The following TRPM7 variants were observed in gnomAD, a reference collection of about 807,000 sequenced individuals.
TRPM7 encodes transient receptor potential cation channel subfamily M member 7.
TRPM7 carries 134 observed loss-of-function variants against 229.7 expected under a neutral mutation model. The ratio of observed to expected loss-of-function variants is 0.58; its 90% CI spans 0.51 to 0.67. TRPM7 has a LOEUF of 0.67. TRPM7 is among the 30% of genes least tolerant of loss of function. The pLI is 0.00. For missense variants in TRPM7, 1,901 were observed against 2,210.0 expected, an observed-to-expected ratio of 0.86 and a Z score of 2.80; for synonymous variants, 699 against 715.2, an observed-to-expected ratio of 0.98 and a Z score of 0.36.
chr15:50,597,187 T>A (rs975104311), intron 22 of TRPM7, among the ~76,000 whole-genome samples: 1 of 152,152 alleles, frequency 6.6e-6, no homozygotes, highest in South Asian at 2.1e-4. Flanking sequence ...TTGTTTTTCA[T>A]TACCCCTAAC....
intron 21 of TRPM7, among the ~76,000 whole-genome samples, chr15:50,601,317 A>T (rs2140414939): frequency 6.6e-6 from 1 of 152,316 alleles, no homozygotes; most frequent in South Asian, 2.1e-4. Context: ...AAAATATGTG[A>T]GTATCAGCTT....
intron 12 of TRPM7, among the ~76,000 whole-genome samples, chr15:50,622,801 G>C (rs2060449082): frequency 1.3e-5 from 2 of 151,988 alleles, no homozygotes; most frequent in Admixed American, 1.3e-4. Context: ...CAGGAAAATT[G>C]CTTGAACCCG....
intron 1 of TRPM7, among the ~76,000 whole-genome samples, chr15:50,684,811 A>G (rs2062321736): frequency 6.6e-6 from 1 of 152,240 alleles, no homozygotes; most frequent in African/African-American, 2.4e-5. Flanking sequence ...GAGAGAAGGT[A>G]CTAGAGACTG....
intron 26 of TRPM7, 66 bp from the exon 27 acceptor site, chr15:50,589,722 G>C (rs535111376): frequency 2.9e-6 from 3 of 1,051,156 alleles, no homozygotes; most frequent in Non-Finnish European, 4.3e-6. Flanking sequence ...TAATGGCACT[G>C]CTTAAAGTTT....
intron 13 of TRPM7, among the ~76,000 whole-genome samples, chr15:50,614,664 CAAAAAAAAAAAAA>C (rs59336476): frequency 1.9e-4 from 18 of 92,650 alleles, no homozygotes; most frequent in South Asian, 3.5e-4. Context: ...GACTTGGTCT[CAAAAAAAAAAAAA>C]AAAAAAAAAA....
chr15:50,670,289 G>C (rs571557470), intron 1 of TRPM7, among the ~76,000 whole-genome samples: 1 of 152,258 alleles, frequency 6.6e-6, no homozygotes, highest in South Asian at 2.1e-4. Flanking sequence ...ATCTTGAATA[G>C]GGGCTGAGTA....
At chr15:50,575,185 A>G in intron 33 of TRPM7, 50 bp from the exon 34 acceptor site, 1 of 1,481,246 alleles carries the variant, frequency 6.8e-7, no homozygotes, top group Non-Finnish European at 9.1e-7. Context: ...CTTTTTAAAA[A>G]CGACAAAGTA....
chr15:50,575,429 T>C (rs2054084473), intron 33 of TRPM7, among the ~76,000 whole-genome samples: 1 of 152,240 alleles, frequency 6.6e-6, no homozygotes, highest in Admixed American at 6.5e-5. Context: ...AAGTTAGAGC[T>C]GTTTCATGGA....
intron 29 of TRPM7, among the ~76,000 whole-genome samples, chr15:50,582,665 T>C (rs1234885469): frequency 6.6e-6 from 1 of 152,210 alleles, no homozygotes. Flanking sequence ...AACAGATATA[T>C]TTTGAATGTA....
intron 11 of TRPM7, among the ~76,000 whole-genome samples, chr15:50,624,616 T>C (rs907656586): frequency 1.3e-5 from 2 of 152,206 alleles, no homozygotes. Context: ...AGCAATGCTC[T>C]CAGTGTTTAG....
Position 50,643,374 on chromosome 15 carries a change from A to G in TRPM7, c.501T>C (p.Thr167=), listed in dbSNP as rs755596714. The change falls in exon 5 of 39, where the codon ACT becomes ACC. Residue 167 remains threonine (T), a synonymous_variant. Coordinates refer to ENST00000646667, the MANE Select transcript of TRPM7 (RefSeq NM_017672.6). The part of the protein sequence containing the change: ...GKGLIKAAVT[T]GAWILTGGVN... ...CTCCTCCAGTTAAAATCCAGGCTCCAGTTGTAACTGCAGCTTTAATAAGAC... is the reference window on the plus strand; with the variant it reads ...CTCCTCCAGTTAAAATCCAGGCTCCGGTTGTAACTGCAGCTTTAATAAGAC... 5 of 1,614,152 alleles carry G rather than the reference A, an allele frequency of 3.1e-6. No homozygotes were observed. The highest frequency in any genetic ancestry group is 1.6e-4 in the Middle Eastern group (1 of 6,062).
At chr15:50,613,564 T>G in intron 15 of TRPM7, 143 bp downstream of exon 15, 2 of 554,284 alleles carry the variant, frequency 3.6e-6, no homozygotes, top group Non-Finnish European at 5.6e-6. Context: ...TCTCTGTGTG[T>G]GAGAAAATGA....
At chr15:50,603,246 T>C (rs2059826936) in intron 21 of TRPM7, among the ~76,000 whole-genome samples, 1 of 152,172 alleles carries the variant, frequency 6.6e-6, no homozygotes, top group South Asian at 2.1e-4. Flanking sequence ...AAATCTTGTT[T>C]TCAAGATGCG....
chr15:50,578,700 C>T (rs755158678), intron 30 of TRPM7, 36 bp from the exon 31 acceptor site: 52 of 1,495,972 alleles, frequency 3.5e-5, no homozygotes, highest in Non-Finnish European at 4.5e-5. Context: ...ATAAGCTGTG[C>T]TATGATTTAA....
chr15:50,671,609 G>C (rs964992526), intron 1 of TRPM7, among the ~76,000 whole-genome samples: 1 of 151,584 alleles, frequency 6.6e-6, no homozygotes, highest in Non-Finnish European at 1.5e-5. Flanking sequence ...AGGAGTTCAA[G>C]ACCAACCTGG....
chr15:50,562,418 T>C (rs180743498), intron 38 of TRPM7, among the ~76,000 whole-genome samples: 8 of 152,192 alleles, frequency 5.3e-5, no homozygotes, highest in Admixed American at 1.3e-4. Context: ...TGAGCTTATA[T>C]TCTAGTGGGT....
chr15:50,599,484 G>A (rs2059719172), intron 21 of TRPM7, 188 bp from the exon 22 acceptor site: 3 of 431,858 alleles, frequency 6.9e-6, no homozygotes, highest in African/African-American at 6.1e-5. Context: ...ACATCTAGGA[G>A]ATTACGTAAA....
chr15:50,590,523 C>T (rs546745964), intron 26 of TRPM7, among the ~76,000 whole-genome samples: 2 of 152,134 alleles, frequency 1.3e-5, no homozygotes, highest in Non-Finnish European at 1.5e-5. Flanking sequence ...ATACTTACTG[C>T]TAGGCTATAT....
chr15:50,602,091 T>C (rs2059797159), intron 21 of TRPM7, among the ~76,000 whole-genome samples: 3 of 152,058 alleles, frequency 2.0e-5, no homozygotes. Context: ...CACGTATGTT[T>C]ACTGTGGCAC....
Sources: gnomAD v4.1 joint callset for allele counts (sites outside exome capture counted in the v4.1 genomes callset) on GRCh38, gnomAD v4.1.1 for gene constraint, MANE v1.5 for transcripts, NCBI Gene and HGNC (gene_info 2026-07-23, HGNC 2026-07-21) for gene names.